The following METAP2 variants were observed in gnomAD, a reference collection of about 807,000 sequenced individuals.
METAP2 encodes the protein methionyl aminopeptidase 2.
A neutral mutation model predicts 59.4 loss-of-function variants in METAP2; 25 were observed. The ratio of observed to expected loss-of-function variants is 0.42; its 90% CI spans 0.31 to 0.59. METAP2 has a LOEUF of 0.59. Among genes scored for constraint, METAP2 ranks in the 20% least tolerant of loss-of-function variants. METAP2 has a pLI of 0.16. For synonymous variants in METAP2, 214 were observed against 194.1 expected (o/e 1.10, Z -0.85); for missense variants, 366 against 581.2 (o/e 0.63, Z 3.81).
At chr12:95,509,847 C>T (rs866273907) in intron 8 of METAP2, among the ~76,000 whole-genome samples, 1,462 of 131,596 alleles carry the variant, frequency 0.011, 42 homozygotes, top group African/African-American at 0.037. Flanking sequence ...CCCCCCCAAC[C>T]TTTTTTTTTT....
At chr12:95,484,392 A>G (rs1309917891) in intron 3 of METAP2, among the ~76,000 whole-genome samples, 1 of 151,748 alleles carries the variant, frequency 6.6e-6, no homozygotes, top group African/African-American at 2.4e-5. Context: ...TCCAGGGGCT[A>G]TATTGTCCTA....
chr12:95,479,592 C>T (rs944402200), intron 2 of METAP2, among the ~76,000 whole-genome samples: 2 of 151,942 alleles, frequency 1.3e-5, no homozygotes, highest in Admixed American at 1.3e-4. Flanking sequence ...ATATAATTTC[C>T]CTAAAATAAT....
Position 95,483,766 on chromosome 12 carries a change from A to G in METAP2, c.325+486A>G, listed in dbSNP as rs76937943. ...ATTTAAAACTTGCATAATTTAAAGA[A>G]TAATTCTGTCAAGAATGGCCGAAGT... is the stretch of plus-strand genomic sequence containing the variant. On this transcript the variant is annotated intron_variant, in intron 3 of 10. Transcript: ENST00000323666. 2.5e-3 allele frequency among the ~76,000 whole-genome samples: 381 copies of G among 152,312 alleles called. 3 individuals are homozygous for G. Among genetic ancestry groups the G allele is most frequent in the African/African-American group, 9.0e-3 (374 of 41,564 alleles).
chr12:95,502,999 TC>T (rs960356553), intron 7 of METAP2, among the ~76,000 whole-genome samples: 1 of 151,856 alleles, frequency 6.6e-6, no homozygotes. Context: ...TTTTTAAGTA[TC>T]TTTAGAAGAG....
At chr12:95,481,868 A>G (rs1397253466) in intron 2 of METAP2, among the ~76,000 whole-genome samples, 8 of 152,246 alleles carry the variant, frequency 5.3e-5, no homozygotes, top group Admixed American at 5.2e-4. Flanking sequence ...CAAATACTTC[A>G]AGATTCATAA....
intron 2 of METAP2, among the ~76,000 whole-genome samples, chr12:95,481,030 C>T (rs1231663066): frequency 6.6e-6 from 1 of 152,158 alleles, no homozygotes; most frequent in Non-Finnish European, 1.5e-5. Context: ...CTAGATAGTG[C>T]AAGGCAGAGC....
chr12:95,482,877 A>G (rs1487051899), intron 2 of METAP2, among the ~76,000 whole-genome samples: 1 of 152,208 alleles, frequency 6.6e-6, no homozygotes, highest in African/African-American at 2.4e-5. Flanking sequence ...CGTAAGTCCT[A>G]GATCACGTTA....
chr12:95,483,986 C>G (rs951296888), intron 3 of METAP2, among the ~76,000 whole-genome samples: 2 of 152,020 alleles, frequency 1.3e-5, no homozygotes, highest in Non-Finnish European at 2.9e-5. Flanking sequence ...TTTTGAGTTT[C>G]TGTAAGTGCC....
chr12:95,503,009 A>C (rs2076328285), intron 7 of METAP2, among the ~76,000 whole-genome samples: 1 of 143,358 alleles, frequency 7.0e-6, no homozygotes. Flanking sequence ...TCTTTAGAAG[A>C]GTTGTTTTGA....
chr12:95,490,428 G>T (rs141671908), intron 4 of METAP2, among the ~76,000 whole-genome samples: 1 of 150,998 alleles, frequency 6.6e-6, no homozygotes, highest in Admixed American at 6.6e-5. Flanking sequence ...TTTATCGTTC[G>T]TTTAAAGTAT....
chr12:95,486,886 G>A (rs909990528), intron 4 of METAP2, among the ~76,000 whole-genome samples: 8 of 152,220 alleles, frequency 5.3e-5, no homozygotes, highest in South Asian at 2.1e-4. Flanking sequence ...TCTTCAAGGT[G>A]TTCTGTAAGG....
At chr12:95,478,888 A>C (rs2076139568) in intron 2 of METAP2, among the ~76,000 whole-genome samples, 1 of 152,014 alleles carries the variant, frequency 6.6e-6, no homozygotes, top group South Asian at 2.1e-4. Flanking sequence ...GAGGTGATAG[A>C]TTGAGGGAGC....
In METAP2 at chr12:95,476,189, A is replaced by G; in HGVS notation, c.259+11A>G. The G allele has an allele frequency of 6.5e-7, 1 of 1,541,498 alleles. No homozygotes were observed. The highest frequency in any genetic ancestry group is 1.4e-5 in the African/African-American group (1 of 73,218). ...ATGAAGATGATGAAGGTAAATGGTT[A>G]ATTTGATCTTTGTGGTTAGAAAAGC... On this transcript the variant is annotated intron_variant, in intron 2 of 10. Transcript: ENST00000323666.
chr12:95,498,333 G>A (rs1220457483), intron 7 of METAP2, among the ~76,000 whole-genome samples: 1 of 152,140 alleles, frequency 6.6e-6, no homozygotes, highest in Non-Finnish European at 1.5e-5. Flanking sequence ...ATAGATTCTG[G>A]ATGTTAATCC....
chr12:95,480,271 C>G (rs2076149061), intron 2 of METAP2, among the ~76,000 whole-genome samples: 1 of 152,174 alleles, frequency 6.6e-6, no homozygotes, highest in African/African-American at 2.4e-5. Context: ...ATGTTTTACC[C>G]TTTTACATTG....
At position 95,485,895 on chromosome 12, in the gene METAP2, C is replaced by A; in HGVS notation, c.342C>A (p.Asp114Glu). ...KKKRGPKVQT[D>E]PPSVPICDLY... Reference sequence around the variant, plus strand: ...ATCTCACAGCAAAAGTTCAAACAGACCCTCCCTCAGTTCCAATATGTGACC... The same window carrying A: ...ATCTCACAGCAAAAGTTCAAACAGAACCTCCCTCAGTTCCAATATGTGACC... The change falls in exon 4 of 11, where the codon GAC (aspartate) becomes GAA (glutamate). Residue 114 changes from aspartate to glutamate, a missense_variant. Asp to Glu is a conservative substitution (Grantham distance 45). Around this residue, in one of 4 missense-constraint regions of METAP2, gnomAD observed 177 missense variants for 180.3 expected, o/e 0.98. Coordinates refer to ENST00000323666, the MANE Select transcript of METAP2 (RefSeq NM_006838.4). The A allele has an allele frequency of 6.4e-7, 1 of 1,568,832 alleles. No individual in the cohort carries two copies. The highest frequency in any genetic ancestry group is 1.4e-5 in the African/African-American group (1 of 72,332).
chr12:95,510,199 G>C (rs68098041), intron 8 of METAP2, among the ~76,000 whole-genome samples: 11,552 of 152,200 alleles, frequency 0.076, 573 homozygotes, highest in African/African-American at 0.13. Context: ...TAAAAACTCA[G>C]CTTCTCAATT....
chr12:95,492,628 C>G lies in METAP2; in HGVS notation c.429-1428C>G, dbSNP rs1340035909. On this transcript the variant is annotated intron_variant, in intron 4 of 10. Coordinates refer to ENST00000323666, the MANE Select transcript of METAP2 (RefSeq NM_006838.4). ...TTGCCCAGGCTGGGGTATAGTGGTGCAATCATAGCTCACTGTGTCCTTGAA... is the reference window on the plus strand; with the variant it reads ...TTGCCCAGGCTGGGGTATAGTGGTGGAATCATAGCTCACTGTGTCCTTGAA... 2.0e-5 allele frequency among the ~76,000 whole-genome samples: 3 copies of G among 151,850 alleles called. 1 individual carries two copies. The highest frequency in any genetic ancestry group is 4.4e-5 in the Non-Finnish European group (3 of 67,984).
intron 7 of METAP2, among the ~76,000 whole-genome samples, chr12:95,502,613 T>C (rs1366856767): frequency 6.6e-6 from 1 of 152,116 alleles, no homozygotes; most frequent in African/African-American, 2.4e-5. Flanking sequence ...GATGCTATAT[T>C]CTTGTATTTC....
Sources: allele counts gnomAD v4.1 joint callset (sites outside exome capture counted in the v4.1 genomes callset), GRCh38; gene constraint gnomAD v4.1.1; regional missense constraint gnomAD v4.1.1; transcripts MANE v1.5; gene names NCBI Gene and HGNC (gene_info 2026-07-23, HGNC 2026-07-21).